KLF12: variants seen among roughly 807,000 people sequenced by gnomAD.
KLF12 encodes KLF transcription factor 12, also known as Krueppel-like factor 12.
KLF12 carries 9 observed loss-of-function variants against 37.8 expected under a neutral mutation model. That is an observed-to-expected ratio of 0.24 (90% CI 0.14 to 0.42). The LOEUF (loss-of-function observed/expected upper bound fraction) is 0.42, where lower values mean the gene tolerates loss of function less well. Among genes scored for constraint, KLF12 ranks in the 10% least tolerant of loss-of-function variants. The pLI is 1.00. For missense variants in KLF12, 411 were observed against 516.0 expected, an observed-to-expected ratio of 0.80 and a Z score of 1.97; for synonymous variants, 208 against 202.1, an observed-to-expected ratio of 1.03 and a Z score of -0.25.
intron 3 of KLF12, among the ~76,000 whole-genome samples, chr13:73,861,396 T>G (rs944997575): frequency 2.6e-5 from 4 of 152,242 alleles, no homozygotes; most frequent in African/African-American, 9.6e-5. Flanking sequence ...TTGGCTTATC[T>G]TGCTCTGCTC....
chr13:74,276,368 C>A, the KLF12 span, among the ~76,000 whole-genome samples: 1 of 152,164 alleles, frequency 6.6e-6, no homozygotes, highest in South Asian at 2.1e-4. Flanking sequence ...CTACCTTGGC[C>A]TCCCAAAGTC....
chr13:73,958,264 GAC>G, intron 2 of KLF12, among the ~76,000 whole-genome samples: 1 of 150,412 alleles, frequency 6.6e-6, no homozygotes, highest in South Asian at 2.1e-4. Context: ...TTTCTTTTGA[GAC>G]ACAGTCTCAC....
chr13:74,025,500 G>A (rs1326393803), intron 1 of KLF12, among the ~76,000 whole-genome samples: 5 of 151,628 alleles, frequency 3.3e-5, no homozygotes, highest in Non-Finnish European at 5.9e-5. Flanking sequence ...TCTTAGTTTC[G>A]CTACAAGTGG....
intron 1 of KLF12, among the ~76,000 whole-genome samples, chr13:74,132,340 G>C (rs1291009550): frequency 6.6e-6 from 1 of 152,162 alleles, no homozygotes; most frequent in Admixed American, 6.5e-5. Flanking sequence ...TGGTTTTGCA[G>C]AATGACGTGT....
intron 3 of KLF12, among the ~76,000 whole-genome samples, chr13:73,900,257 T>TAG (rs956869500): frequency 4.5e-4 from 68 of 152,184 alleles, no homozygotes; most frequent in African/African-American, 1.4e-3. Context: ...TTTGCTAGAG[T>TAG]AGATGAGAGT....
At chr13:74,004,078 A>C (rs930769460) in intron 1 of KLF12, among the ~76,000 whole-genome samples, 6 of 152,114 alleles carry the variant, frequency 3.9e-5, no homozygotes, top group Admixed American at 2.6e-4. Context: ...TTTTAATTTA[A>C]ATATAGTATC....
chr13:73,906,128 ATT>A (rs1176775231), intron 3 of KLF12, among the ~76,000 whole-genome samples: 1 of 152,100 alleles, frequency 6.6e-6, no homozygotes, highest in Non-Finnish European at 1.5e-5. Context: ...ACCAACTCCA[ATT>A]TTTTTAGTCC....
chr13:74,055,584 AGT>A (rs772296157), intron 1 of KLF12, among the ~76,000 whole-genome samples: 4 of 152,152 alleles, frequency 2.6e-5, no homozygotes, highest in Non-Finnish European at 4.4e-5. Flanking sequence ...AACCTTCCAC[AGT>A]GTTTTTACAA....
chr13:74,053,234 GC>G (rs201216850), intron 1 of KLF12, among the ~76,000 whole-genome samples: 1,545 of 152,222 alleles, frequency 0.01, 18 homozygotes, highest in African/African-American at 0.031. Flanking sequence ...AATTCCATTT[GC>G]CATTTATGGT....
At chr13:74,172,850 A>G in the KLF12 span, among the ~76,000 whole-genome samples, 5 of 152,220 alleles carry the variant, frequency 3.3e-5, no homozygotes, top group African/African-American at 4.8e-5. Flanking sequence ...TGGGGTGGCA[A>G]TAAAAAATAC....
At chr13:73,743,022 T>TA (rs61569247) in intron 6 of KLF12, among the ~76,000 whole-genome samples, 81,702 of 147,688 alleles carry the variant, frequency 0.55, 23,784 homozygotes, top group East Asian at 0.86. Flanking sequence ...TCTTCGGGAT[T>TA]AAAAAAAAAA....
intron 1 of KLF12, among the ~76,000 whole-genome samples, chr13:74,008,903 T>C (rs183247768): frequency 3.7e-4 from 57 of 152,374 alleles, no homozygotes; most frequent in Admixed American, 5.9e-4. Context: ...CGATAACTTA[T>C]GTCCATTGTA....
In KLF12 at chr13:73,755,914, C is replaced by T. The variant is rs188928257; in HGVS notation, c.869+9024G>A. Among the ~76,000 whole-genome samples the T allele has an allele frequency of 5.3e-5, 8 of 152,300 alleles. No homozygotes were observed. The East Asian group carries it at 1.4e-3, about 26-fold the overall frequency. On this transcript the variant is annotated intron_variant, in intron 6 of 7. Transcript: ENST00000377669. ...ATGGTCTCCTTTTACATTCAGATTG[C>T]TGCAAATGCTATTGTTTCATTCCTT...
the KLF12 span, among the ~76,000 whole-genome samples, chr13:74,185,392 G>A: frequency 1.3e-5 from 2 of 152,078 alleles, no homozygotes; most frequent in Non-Finnish European, 2.9e-5. Flanking sequence ...ACGGTAACTC[G>A]TTCATCAACA....
chr13:73,838,825 G>A (rs1368261254), intron 4 of KLF12, among the ~76,000 whole-genome samples: 1 of 152,158 alleles, frequency 6.6e-6, no homozygotes, highest in African/African-American at 2.4e-5. Flanking sequence ...AGCAAAAGGG[G>A]AGAAATAGCA....
chr13:73,695,441 T>G lies in KLF12; in HGVS notation c.*49A>C. ...GGGGATTCAGCCCTGCTGAATTGGGTGCCGCTAAGAGATCCAGCTCTTACG... is the reference window on the plus strand; with the variant it reads ...GGGGATTCAGCCCTGCTGAATTGGGGGCCGCTAAGAGATCCAGCTCTTACG... On this transcript the variant is annotated 3_prime_UTR_variant, in exon 8 of 8. Transcript: ENST00000377669. 6.3e-7 allele frequency: 1 copy of G among 1,579,874 alleles called. No homozygotes were observed. Among genetic ancestry groups the G allele is most frequent in the Non-Finnish European group, 8.7e-7 (1 of 1,153,000 alleles).
the KLF12 span, among the ~76,000 whole-genome samples, chr13:74,303,568 T>C: frequency 6.6e-6 from 1 of 152,122 alleles, no homozygotes; most frequent in African/African-American, 2.4e-5. Flanking sequence ...GAAAATATAC[T>C]TTTTTTGATG....
Position 73,880,116 on chromosome 13 carries a change from C to G in KLF12, c.124-33743G>C, listed in dbSNP as rs150793147. Among the ~76,000 whole-genome samples, 1,512 of 152,240 alleles carry G rather than the reference C, an allele frequency of 9.9e-3. 31 individuals carry two copies. Among genetic ancestry groups the G allele is most frequent in the African/African-American group, 0.034 (1,417 of 41,536 alleles). On this transcript the variant is annotated intron_variant, in intron 3 of 7. Coordinates refer to ENST00000377669, the MANE Select transcript of KLF12 (RefSeq NM_007249.5). ...AGCTCAAGCCACCTCTAATAAGATG[C>G]TCCTCACTCTCCACCGTGCACAAAG...
intron 7 of KLF12, among the ~76,000 whole-genome samples, chr13:73,704,896 T>G (rs1160404736): frequency 6.6e-6 from 1 of 152,222 alleles, no homozygotes; most frequent in Admixed American, 6.5e-5. Flanking sequence ...CTACTTTAAT[T>G]TAAATACTTT....
Sources: allele counts gnomAD v4.1 joint callset (sites outside exome capture counted in the v4.1 genomes callset), GRCh38; gene constraint gnomAD v4.1.1; transcripts MANE v1.5; gene names NCBI Gene and HGNC (gene_info 2026-07-23, HGNC 2026-07-21).